The following RIMKLB variants were observed in gnomAD, a reference collection of about 807,000 sequenced individuals.
RIMKLB encodes the protein beta-citrylglutamate synthase B.
RIMKLB carries 7 observed loss-of-function variants against 32.0 expected under a neutral mutation model. The ratio of observed to expected loss-of-function variants is 0.22; its 90% CI spans 0.12 to 0.41. The LOEUF (loss-of-function observed/expected upper bound fraction) is 0.41, where lower values mean the gene tolerates loss of function less well. Among genes scored for constraint, RIMKLB ranks in the 10% least tolerant of loss-of-function variants. The pLI is 1.00. For missense variants in RIMKLB, 289 were observed against 498.7 expected, an observed-to-expected ratio of 0.58 and a Z score of 4.00; for synonymous variants, 172 against 185.1, an observed-to-expected ratio of 0.93 and a Z score of 0.57.
intron 2 of RIMKLB, among the ~76,000 whole-genome samples, chr12:8,737,434 G>T (rs1167594640): frequency 6.6e-6 from 1 of 151,948 alleles, no homozygotes; most frequent in Non-Finnish European, 1.5e-5. Context: ...TAGATCAGGA[G>T]GCATATACCC....
chr12:8,759,652 C>T (rs1327407379), intron 5 of RIMKLB, among the ~76,000 whole-genome samples: 5 of 152,068 alleles, frequency 3.3e-5, no homozygotes, highest in African/African-American at 9.7e-5. Flanking sequence ...TTCTGACCAA[C>T]GACTACTAAA....
rs577806177 is a variant in RIMKLB at position 8,750,482 on chromosome 12, C to G, written c.406+390C>G. Reference sequence around the variant, plus strand: ...CCCACAGGCCTTAGTTTGCCAACCTCTGTGGTAAAAGATAATTCTAATTTT... The same window carrying G: ...CCCACAGGCCTTAGTTTGCCAACCTGTGTGGTAAAAGATAATTCTAATTTT... On this transcript the variant is annotated intron_variant, in intron 3 of 5. Coordinates refer to ENST00000535829, the MANE Select transcript of RIMKLB (RefSeq NM_001297776.2). Among the ~76,000 whole-genome samples, 11 of 152,288 alleles carry G rather than the reference C, an allele frequency of 7.2e-5. No individual in the cohort carries two copies. The East Asian group carries it at 1.9e-3, about 27-fold the overall frequency.
At chr12:8,694,011 G>C (rs989207730), upstream of RIMKLB, among the ~76,000 whole-genome samples, 3 of 152,220 alleles carry the variant, frequency 2.0e-5, no homozygotes, top group African/African-American at 7.2e-5. Flanking sequence ...GGGAGGCTCA[G>C]GTGGGCGGAT....
chr12:8,750,152 T>A lies in RIMKLB; in HGVS notation c.406+60T>A, dbSNP rs111244060. The A allele has an allele frequency of 8.0e-3, 8,489 of 1,059,956 alleles. 454 individuals carry two copies. In the African/African-American group the frequency reaches 0.11, roughly 14 times the overall value. The allele number at this position is 1,059,956 out of a possible 1,614,324, so 65.7% of individuals were successfully genotyped here. A position where few individuals can be genotyped will look rare whatever the true frequency, so the allele number is the denominator to read the frequency against. ...TTAACCACTGATAGTTTTAATAGGA[T>A]AAATTTACAGACATGAAAGAACACC... On this transcript the variant is annotated intron_variant, in intron 3 of 5. Transcript: ENST00000535829.
At chr12:8,750,551 C>G (rs771824715) in intron 3 of RIMKLB, among the ~76,000 whole-genome samples, 2 of 151,888 alleles carry the variant, frequency 1.3e-5, no homozygotes, top group South Asian at 4.2e-4. Flanking sequence ...TTTGATAACT[C>G]AAATATTTTA....
chr12:8,688,791 T>G (rs1942650904), intron 1 of RIMKLB, among the ~76,000 whole-genome samples: 1 of 152,128 alleles, frequency 6.6e-6, no homozygotes, highest in South Asian at 2.1e-4. Context: ...GAATTTTGTG[T>G]GTGTGATTAA....
chr12:8,672,857 C>T, the RIMKLB span, among the ~76,000 whole-genome samples: 4 of 152,266 alleles, frequency 2.6e-5, no homozygotes, highest in East Asian at 1.9e-4. Flanking sequence ...AAGCAGATGC[C>T]GCTATGCTTC....
chr12:8,703,366 C>T (rs1943572138), intron 1 of RIMKLB, among the ~76,000 whole-genome samples: 1 of 152,176 alleles, frequency 6.6e-6, no homozygotes, highest in Non-Finnish European at 1.5e-5. Context: ...TGCTTTGTCA[C>T]CCAGGCTGAA....
At chr12:8,677,757 TTTC>T (rs1306449226), upstream of RIMKLB, among the ~76,000 whole-genome samples, 2 of 151,380 alleles carry the variant, frequency 1.3e-5, no homozygotes, top group Non-Finnish European at 2.9e-5. Flanking sequence ...CCTTTTTTTT[TTTC>T]TTCTTTTTTT....
At chr12:8,777,663 C>G, downstream of RIMKLB, 1 of 1,289,280 alleles carries the variant, frequency 7.8e-7, no homozygotes, top group Non-Finnish European at 1.0e-6. Context: ...CTTCTTCCCC[C>G]TTCCTGATGA....
intron 2 of RIMKLB, among the ~76,000 whole-genome samples, chr12:8,741,540 G>C (rs1947526933): frequency 6.6e-6 from 1 of 151,736 alleles, no homozygotes; most frequent in South Asian, 2.1e-4. Context: ...CAGCACTTTG[G>C]GTGGTGAGGC....
chr12:8,781,256 GC>G (rs1951015747), downstream of RIMKLB, among the ~76,000 whole-genome samples: 1 of 152,132 alleles, frequency 6.6e-6, no homozygotes, highest in Non-Finnish European at 1.5e-5. Flanking sequence ...CAGGAGAATC[GC>G]TTGAAACCCA....
At chr12:8,767,746 A>G (rs1950087651) in intron 5 of RIMKLB, among the ~76,000 whole-genome samples, 1 of 152,126 alleles carries the variant, frequency 6.6e-6, no homozygotes, top group Non-Finnish European at 1.5e-5. Context: ...CAGGCAGACC[A>G]ACGCTCCCAA....
chr12:8,722,833 C>T (rs1331871044), intron 2 of RIMKLB, among the ~76,000 whole-genome samples: 2 of 152,222 alleles, frequency 1.3e-5, no homozygotes, highest in Non-Finnish European at 2.9e-5. Flanking sequence ...GCTTCTGTTC[C>T]TAAATCCCAT....
intron 1 of RIMKLB, chr12:8,700,103 C>T (rs1943258063): frequency 6.6e-6 from 1 of 152,112 alleles, no homozygotes. Flanking sequence ...AATAAATTAG[C>T]CCCTTCTTTT....
chr12:8,761,767 C>T (rs1307406970), intron 5 of RIMKLB, among the ~76,000 whole-genome samples: 1 of 152,100 alleles, frequency 6.6e-6, no homozygotes, highest in African/African-American at 2.4e-5. Context: ...CAGGAAAACC[C>T]AAGTGCTGTT....
At chr12:8,694,427 C>T (rs185159495), upstream of RIMKLB, among the ~76,000 whole-genome samples, 2 of 142,664 alleles carry the variant, frequency 1.4e-5, no homozygotes, top group Admixed American at 1.4e-4. Flanking sequence ...ATGGAGTACC[C>T]ATCTGTTGCT....
intron 5 of RIMKLB, among the ~76,000 whole-genome samples, chr12:8,767,555 C>G (rs1034085907): frequency 1.3e-5 from 2 of 152,092 alleles, no homozygotes; most frequent in African/African-American, 4.8e-5. Context: ...AAGTCGTGGT[C>G]GGGACCCAGA....
At chr12:8,669,970 T>C in the RIMKLB span, among the ~76,000 whole-genome samples, 2 of 132,772 alleles carry the variant, frequency 1.5e-5, no homozygotes, top group South Asian at 2.3e-4. Flanking sequence ...GAGCTTGCAG[T>C]GAGCCAAGAT....
Sources: allele counts gnomAD v4.1 joint callset (sites outside exome capture counted in the v4.1 genomes callset), GRCh38; gene constraint gnomAD v4.1.1; transcripts MANE v1.5; gene names NCBI Gene and HGNC (gene_info 2026-07-23, HGNC 2026-07-21).